MECOM: variants seen among roughly 807,000 people sequenced by gnomAD.
The protein encoded by MECOM is MDS1 and EVI1 complex locus.
Under a neutral mutation model 116.3 loss-of-function variants are expected in MECOM, and 13 were observed. That is an observed-to-expected ratio of 0.11 (90% CI 0.07 to 0.18). The LOEUF (loss-of-function observed/expected upper bound fraction) is 0.18, where lower values mean the gene tolerates loss of function less well. Ranked by LOEUF, MECOM falls within the 10% of genes least tolerant of loss-of-function variation. MECOM has a pLI of 1.00. For synonymous variants in MECOM, 528 were observed against 535.2 expected, an observed-to-expected ratio of 0.99 and a Z score of 0.19; for missense variants, 1,299 against 1,509.0, an observed-to-expected ratio of 0.86 and a Z score of 2.31.
At chr3:169,421,696 A>C (rs919816191) in intron 1 of MECOM, among the ~76,000 whole-genome samples, 2 of 152,044 alleles carry the variant, frequency 1.3e-5, no homozygotes, top group African/African-American at 4.8e-5. Context: ...TTAAAAAAAA[A>C]AAACAAAACG....
intron 1 of MECOM, among the ~76,000 whole-genome samples, chr3:169,628,174 T>C (rs935021102): frequency 6.6e-6 from 1 of 152,224 alleles, no homozygotes; most frequent in Non-Finnish European, 1.5e-5. Context: ...CACTTCTTGG[T>C]GTTCAGCTCC....
At chr3:169,483,971 TG>T in intron 1 of MECOM, 1 of 1,604,010 alleles carries the variant, frequency 6.2e-7, no homozygotes, top group Non-Finnish European at 8.5e-7. Context: ...TTCTACAGGG[TG>T]GGTGCAATCA....
intron 2 of MECOM, among the ~76,000 whole-genome samples, chr3:169,266,366 C>G (rs1056121339): frequency 2.6e-5 from 4 of 152,186 alleles, no homozygotes; most frequent in Non-Finnish European, 5.9e-5. Flanking sequence ...TTCTAAGTTA[C>G]TTAACATGGG....
chr3:169,524,868 G>A (rs761273919), intron 1 of MECOM, among the ~76,000 whole-genome samples: 22 of 152,028 alleles, frequency 1.4e-4, no homozygotes, highest in Non-Finnish European at 7.4e-5. Context: ...GAAATAAAAT[G>A]TTAACCTTCT....
chr3:169,520,760 C>T (rs1757243322), intron 1 of MECOM, among the ~76,000 whole-genome samples: 1 of 151,974 alleles, frequency 6.6e-6, no homozygotes, highest in Admixed American at 6.6e-5. Flanking sequence ...TTTATAAAAA[C>T]TTAAAATCTT....
chr3:169,558,712 T>C (rs1290386688), intron 1 of MECOM, among the ~76,000 whole-genome samples: 1 of 152,198 alleles, frequency 6.6e-6, no homozygotes, highest in Non-Finnish European at 1.5e-5. Context: ...TTTTTTCAAT[T>C]GTATACTTTT....
intron 1 of MECOM, among the ~76,000 whole-genome samples, chr3:169,608,960 G>A (rs1221848916): frequency 6.6e-6 from 1 of 152,094 alleles, no homozygotes; most frequent in Non-Finnish European, 1.5e-5. Context: ...TGAGACGCGT[G>A]ATGGGATTCT....
intron 1 of MECOM, among the ~76,000 whole-genome samples, chr3:169,619,077 G>T (rs1306180822): frequency 6.6e-6 from 1 of 151,626 alleles, no homozygotes; most frequent in African/African-American, 2.4e-5. Flanking sequence ...AACCAAACCA[G>T]ATTGAAGCTA....
At chr3:169,424,089 C>A (rs1178322282) in intron 1 of MECOM, among the ~76,000 whole-genome samples, 2 of 152,080 alleles carry the variant, frequency 1.3e-5, no homozygotes, top group East Asian at 3.8e-4. Context: ...TTCCATTAAG[C>A]CCATGACATT....
chr3:169,257,832 T>C (rs1757034344), intron 2 of MECOM, among the ~76,000 whole-genome samples: 1 of 152,176 alleles, frequency 6.6e-6, no homozygotes, highest in South Asian at 2.1e-4. Flanking sequence ...CGTTTAGAGA[T>C]GTAACCTATA....
chr3:169,468,396 G>A lies in MECOM; in HGVS notation c.38-86872C>T, dbSNP rs565633485. ...ACTTAATTCTTCACAGCACTAATCA[G>A]GGCTGTAATTAAACAATTAATTGTG... On this transcript the variant is annotated intron_variant, in intron 1 of 16. Coordinates refer to ENST00000651503, the MANE Select transcript of MECOM (RefSeq NM_004991.4). 2.0e-5 allele frequency among the ~76,000 whole-genome samples: 3 copies of A among 152,172 alleles called. No individual in the cohort carries two copies. In the South Asian group the frequency reaches 6.2e-4, roughly 32 times the overall value.
intron 2 of MECOM, among the ~76,000 whole-genome samples, chr3:169,258,780 A>G (rs1757181503): frequency 6.6e-6 from 1 of 152,184 alleles, no homozygotes; most frequent in Non-Finnish European, 1.5e-5. Flanking sequence ...CATTTTAAGT[A>G]CCTCCACTGC....
intron 5 of MECOM, among the ~76,000 whole-genome samples, chr3:169,126,445 T>C (rs1193095964): frequency 6.7e-6 from 1 of 149,864 alleles, no homozygotes; most frequent in African/African-American, 2.5e-5. Context: ...GTTAGCTTCA[T>C]TTTTTTTAAA....
intron 1 of MECOM, among the ~76,000 whole-genome samples, chr3:169,636,464 T>G (rs1227973738): frequency 6.6e-6 from 1 of 152,234 alleles, no homozygotes; most frequent in African/African-American, 2.4e-5. Flanking sequence ...ATGGGGAAGA[T>G]TCACAATTCA....
chr3:169,433,651 A>C (rs1242619232), intron 1 of MECOM, among the ~76,000 whole-genome samples: 1 of 124,462 alleles, frequency 8.0e-6, no homozygotes, highest in Non-Finnish European at 1.6e-5. Context: ...GAAAGAAAGA[A>C]AGAAAGAAAG....
intron 1 of MECOM, among the ~76,000 whole-genome samples, chr3:169,440,880 A>G (rs555046573): frequency 5.3e-5 from 8 of 152,222 alleles, no homozygotes; most frequent in Middle Eastern, 3.4e-3. Context: ...AGAGATATTC[A>G]TGTTGGGTGG....
At chr3:169,520,663 G>T (rs1757231039) in intron 1 of MECOM, among the ~76,000 whole-genome samples, 1 of 152,034 alleles carries the variant, frequency 6.6e-6, no homozygotes, top group African/African-American at 2.4e-5. Context: ...TTCTCATTTT[G>T]GTTCTTTTAT....
chr3:169,367,989 T>C (rs1478825292), intron 2 of MECOM, among the ~76,000 whole-genome samples: 1 of 152,076 alleles, frequency 6.6e-6, no homozygotes, highest in African/African-American at 2.4e-5. Context: ...AAGCATCTTT[T>C]TTAAACAAAG....
intron 1 of MECOM, among the ~76,000 whole-genome samples, chr3:169,517,643 C>A (rs1313739234): frequency 6.6e-6 from 1 of 152,124 alleles, no homozygotes. Flanking sequence ...TCTAGAATGA[C>A]TGCTATTTTC....
Sources: allele counts gnomAD v4.1 joint callset (sites outside exome capture counted in the v4.1 genomes callset), GRCh38; gene constraint gnomAD v4.1.1; transcripts MANE v1.5; gene names NCBI Gene and HGNC (gene_info 2026-07-23, HGNC 2026-07-21).